Variants in LHFPL3 observed in about 807,000 individuals in gnomAD.
LHFPL3 encodes the protein LHFPL tetraspan subfamily member 3, also known as LHFPL tetraspan subfamily member 3 protein.
Under a neutral mutation model 19.3 loss-of-function variants are expected in LHFPL3, and 5 were observed. That is an observed-to-expected ratio of 0.26 (90% confidence interval 0.14 to 0.54). The LOEUF (loss-of-function observed/expected upper bound fraction) is 0.54. Ranked by LOEUF, LHFPL3 falls within the 20% of genes least tolerant of loss-of-function variation. LHFPL3 has a pLI of 0.94. For synonymous variants in LHFPL3, 133 were observed against 126.2 expected (o/e 1.05, Z -0.36); for missense variants, 249 against 307.4 (o/e 0.81, Z 1.42).
chr7:104,871,737 C>A (rs1266331452), intron 2 of LHFPL3, among the ~76,000 whole-genome samples: 1 of 152,092 alleles, frequency 6.6e-6, no homozygotes, highest in Non-Finnish European at 1.5e-5. Context: ...CGGTTCACTG[C>A]AACCTCCACC....
chr7:104,832,787 G>A (rs1361585189), intron 2 of LHFPL3, among the ~76,000 whole-genome samples: 6 of 148,482 alleles, frequency 4.0e-5, no homozygotes, highest in African/African-American at 1.5e-4. Context: ...GACCAGCCTG[G>A]CCAACATGAC....
chr7:104,510,783 C>T (rs1033670751), intron 1 of LHFPL3, among the ~76,000 whole-genome samples: 15 of 152,114 alleles, frequency 9.9e-5, no homozygotes, highest in South Asian at 6.2e-4. Flanking sequence ...TTGCAAACTA[C>T]GTATTTGAAA....
chr7:104,722,772 T>G (rs542682977), intron 1 of LHFPL3, among the ~76,000 whole-genome samples: 1 of 152,342 alleles, frequency 6.6e-6, no homozygotes, highest in African/African-American at 2.4e-5. Context: ...AACTACTGTA[T>G]GCCTGAATAA....
chr7:104,508,151 C>T (rs1037973961), intron 1 of LHFPL3, among the ~76,000 whole-genome samples: 4 of 151,992 alleles, frequency 2.6e-5, no homozygotes, highest in Admixed American at 1.3e-4. Flanking sequence ...TATAAAGACA[C>T]GTGCACACGT....
At chr7:104,437,656 G>A (rs1167664889) in intron 1 of LHFPL3, among the ~76,000 whole-genome samples, 1 of 152,134 alleles carries the variant, frequency 6.6e-6, no homozygotes, top group Non-Finnish European at 1.5e-5. Flanking sequence ...CAGAGCTCAG[G>A]AAACTGTTTT....
chr7:104,457,942 A>G (rs6951349), intron 1 of LHFPL3, among the ~76,000 whole-genome samples: 101,235 of 133,526 alleles, frequency 0.76, 38,829 homozygotes, highest in East Asian at 0.87. Context: ...CATATCCTTC[A>G]CCCACTTTTT....
intron 1 of LHFPL3, among the ~76,000 whole-genome samples, chr7:104,413,918 G>A (rs1477062737): frequency 6.6e-6 from 1 of 151,906 alleles, no homozygotes; most frequent in Non-Finnish European, 1.5e-5. Context: ...TTTTCCATTC[G>A]ACCCACTGGC....
At chr7:104,484,744 C>T (rs1335578486) in intron 1 of LHFPL3, among the ~76,000 whole-genome samples, 1 of 152,140 alleles carries the variant, frequency 6.6e-6, no homozygotes, top group Non-Finnish European at 1.5e-5. Flanking sequence ...CATGCTGTGT[C>T]ATCCCATGAG....
At chr7:104,712,857 ATTGT>A (rs1268876946) in intron 1 of LHFPL3, among the ~76,000 whole-genome samples, 4 of 152,228 alleles carry the variant, frequency 2.6e-5, no homozygotes, top group East Asian at 1.9e-4. Context: ...CTTAATCTAG[ATTGT>A]TTGACTCTTT....
intron 1 of LHFPL3, among the ~76,000 whole-genome samples, chr7:104,589,576 T>G (rs1305820072): frequency 6.6e-6 from 1 of 152,184 alleles, no homozygotes; most frequent in Non-Finnish European, 1.5e-5. Context: ...AAATTCTCTT[T>G]TTTTGTTGTG....
At chr7:104,516,844 G>A (rs762506504) in intron 1 of LHFPL3, among the ~76,000 whole-genome samples, 7 of 152,024 alleles carry the variant, frequency 4.6e-5, no homozygotes, top group Non-Finnish European at 1.0e-4. Context: ...ACACATGCAC[G>A]TGTATATTCA....
rs532608160 is a variant in LHFPL3, at chr7:104,661,764, A to T, written c.446-74911A>T. ...GATGGAAGATTCGTTCTCACTGTAG[A>T]TTTTTGCAACATCAGCATGAAATAT... On this transcript the variant is annotated intron_variant, in intron 1 of 2. Transcript: ENST00000424859. 4.6e-5 allele frequency among the ~76,000 whole-genome samples: 7 copies of T among 152,236 alleles called. No individual in the cohort carries two copies. The South Asian group carries it at 1.0e-3, about 23-fold the overall frequency.
At chr7:104,575,445 G>A (rs1790309589) in intron 1 of LHFPL3, among the ~76,000 whole-genome samples, 1 of 150,372 alleles carries the variant, frequency 6.7e-6, no homozygotes, top group African/African-American at 2.5e-5. Flanking sequence ...AGACGCTTCT[G>A]ACCATAAAAT....
intron 1 of LHFPL3, among the ~76,000 whole-genome samples, chr7:104,504,098 C>T (rs1016798715): frequency 6.6e-6 from 1 of 152,160 alleles, no homozygotes; most frequent in East Asian, 1.9e-4. Flanking sequence ...CATCTGTCTT[C>T]GTGAATCTAT....
At chr7:104,803,261 T>C (rs886612225) in intron 2 of LHFPL3, among the ~76,000 whole-genome samples, 1 of 152,332 alleles carries the variant, frequency 6.6e-6, no homozygotes, top group East Asian at 1.9e-4. Context: ...CTTTACACTA[T>C]ATACATGCCT....
Position 104,524,719 on chromosome 7 carries a change from A to G in LHFPL3, c.445+195495A>G, listed in dbSNP as rs182669376. Among the ~76,000 whole-genome samples the G allele has an allele frequency of 1.1e-4, 16 of 152,288 alleles. No homozygotes were observed. The East Asian group carries it at 3.1e-3, about 29-fold the overall frequency. ...ACGATGCTACTTTGAATTTTGAATAAAGACCAGGAAAAATGGAAATGCTTT... is the reference window on the plus strand; with the variant it reads ...ACGATGCTACTTTGAATTTTGAATAGAGACCAGGAAAAATGGAAATGCTTT... On this transcript the variant is annotated intron_variant, in intron 1 of 2. Coordinates refer to ENST00000424859, the MANE Select transcript of LHFPL3 (RefSeq NM_199000.3).
chr7:104,903,091 G>C (rs1054383958), intron 2 of LHFPL3, among the ~76,000 whole-genome samples: 25 of 152,244 alleles, frequency 1.6e-4, no homozygotes, highest in African/African-American at 6.0e-4. Context: ...CACTACCCTG[G>C]GGTCTGATCT....
chr7:104,492,896 C>T (rs1389079107), intron 1 of LHFPL3, among the ~76,000 whole-genome samples: 1 of 152,200 alleles, frequency 6.6e-6, no homozygotes, highest in African/African-American at 2.4e-5. Flanking sequence ...TCCATTGCCA[C>T]TCCCTACTTT....
At chr7:104,465,147 T>A (rs190321653) in intron 1 of LHFPL3, among the ~76,000 whole-genome samples, 5 of 151,422 alleles carry the variant, frequency 3.3e-5, no homozygotes, top group African/African-American at 1.2e-4. Context: ...AAAGTTCCCA[T>A]CTCCATCTGA....
Sources: allele counts gnomAD v4.1 joint callset (sites outside exome capture counted in the v4.1 genomes callset), GRCh38; gene constraint gnomAD v4.1.1; transcripts MANE v1.5; gene names NCBI Gene and HGNC (gene_info 2026-07-23, HGNC 2026-07-21).